CACNA1A: variants seen among roughly 807,000 people sequenced by gnomAD.
CACNA1A encodes the protein voltage-dependent P/Q-type calcium channel subunit alpha-1A.
A neutral mutation model predicts 262.4 loss-of-function variants in CACNA1A; 57 were observed. The observed-to-expected ratio is 0.22, with a 90% CI of 0.18 to 0.27. The LOEUF (loss-of-function observed/expected upper bound fraction) is 0.27. Ranked by LOEUF, CACNA1A falls within the 10% of genes least tolerant of loss-of-function variation. The pLI, the probability that CACNA1A is intolerant of heterozygous loss-of-function variation, is 1.00. For synonymous variants in CACNA1A, 1,431 were observed against 1,419.3 expected, an observed-to-expected ratio of 1.01 and a Z score of -0.18; for missense variants, 2,526 against 3,562.8, an observed-to-expected ratio of 0.71 and a Z score of 7.41.
intron 10 of CACNA1A, among the ~76,000 whole-genome samples, chr19:13,323,089 T>C (rs1050100737): frequency 1.3e-5 from 2 of 152,112 alleles, no homozygotes; most frequent in East Asian, 1.9e-4. Flanking sequence ...CTGACCAACA[T>C]AGTGAAACTA....
At chr19:13,210,943 C>G in intron 43 of CACNA1A, 1 of 512,352 alleles carries the variant, frequency 2.0e-6, no homozygotes, top group Non-Finnish European at 3.5e-6. Context: ...GACCGAAAGA[C>G]AGGACGGCGC....
chr19:13,369,518 A>G (rs1025003756), intron 4 of CACNA1A, among the ~76,000 whole-genome samples: 10 of 152,218 alleles, frequency 6.6e-5, no homozygotes, highest in African/African-American at 2.4e-4. Flanking sequence ...TCCACTTACT[A>G]GTGAATTCCA....
At chr19:13,293,575 T>C (rs1478867983) in intron 19 of CACNA1A, among the ~76,000 whole-genome samples, 3 of 148,356 alleles carry the variant, frequency 2.0e-5, no homozygotes, top group African/African-American at 7.4e-5. Context: ...GCCTCCCGAG[T>C]AGCTGGGACT....
chr19:13,277,603 G>T, intron 22 of CACNA1A: 1 of 157,994 alleles, frequency 6.3e-6, no homozygotes, highest in South Asian at 1.7e-4. Flanking sequence ...ATCTCTTCCT[G>T]CTTCAAGGCC....
rs1304724060 is a variant in CACNA1A at position 13,236,441 on chromosome 19, T to C, written c.4951-711A>G. 1 of 153,114 alleles carries C rather than the reference T, an allele frequency of 6.5e-6. No individual in the cohort carries two copies. Among genetic ancestry groups the C allele is most frequent in the Non-Finnish European group, 1.5e-5 (1 of 68,394 alleles). 9.5% of individuals were successfully genotyped at this position (153,114 alleles called of 1,614,324 possible). On this transcript the variant is annotated intron_variant, in intron 31 of 46. Transcript: ENST00000360228. The surrounding 1 kb of genome is among the most constrained non-coding windows in gnomAD (Gnocchi z 4.6). Reference sequence around the variant, plus strand: ...AATTGGGAGAAGCGGAAGAGCATCTTTTCTTACCCCCTTGGCGAGCGGGAA... The same window carrying C: ...AATTGGGAGAAGCGGAAGAGCATCTCTTCTTACCCCCTTGGCGAGCGGGAA...
At chr19:13,262,953 C>T (rs2056771857) in intron 24 of CACNA1A, 120 bp from the exon 25 acceptor site, 2 of 716,072 alleles carry the variant, frequency 2.8e-6, no homozygotes, top group South Asian at 1.5e-5. Context: ...CTGGGGTGAG[C>T]TTGGCACAGC....
At chr19:13,480,961 C>T (rs1979223895) in intron 1 of CACNA1A, among the ~76,000 whole-genome samples, 1 of 152,088 alleles carries the variant, frequency 6.6e-6, no homozygotes, top group Admixed American at 6.6e-5. Context: ...ACCGTGGACT[C>T]CGAATCTAGA....
chr19:13,386,571 C>T (rs1428396075), intron 3 of CACNA1A, among the ~76,000 whole-genome samples: 1 of 152,042 alleles, frequency 6.6e-6, no homozygotes, highest in Non-Finnish European at 1.5e-5. Flanking sequence ...GGTGCATCAC[C>T]TGAGGTCAGG....
At chr19:13,476,441 C>T (rs549162698) in intron 1 of CACNA1A, among the ~76,000 whole-genome samples, 2 of 152,156 alleles carry the variant, frequency 1.3e-5, no homozygotes, top group Non-Finnish European at 2.9e-5. Flanking sequence ...GATATGCCAC[C>T]TGAGTACTTT....
At chr19:13,248,617 C>T (rs192704919) in intron 30 of CACNA1A, among the ~76,000 whole-genome samples, 38 of 151,912 alleles carry the variant, frequency 2.5e-4, no homozygotes, top group African/African-American at 8.9e-4. Flanking sequence ...CCGAGGCAGG[C>T]GGATCACCTG....
At chr19:13,294,091 G>A (rs2057604965) in intron 19 of CACNA1A, among the ~76,000 whole-genome samples, 1 of 151,252 alleles carries the variant, frequency 6.6e-6, no homozygotes, top group South Asian at 2.1e-4. Context: ...AATAGCAAGA[G>A]TAATTAATAA....
chr19:13,212,250 G>A lies in CACNA1A; in HGVS notation c.6190-34C>T. On this transcript the variant is annotated intron_variant, in intron 42 of 46. Coordinates refer to ENST00000360228, the MANE Select transcript of CACNA1A (RefSeq NM_001127222.2). This position sits in a 1 kb window ranked among gnomAD's most constrained non-coding sequence, Gnocchi z 5.6. Reference sequence around the variant, plus strand: ...CAGATGGCAAAGCCAGATGAGCTCTGGGGCCTGACCTCCAGATCCCTGGTG... The same window carrying A: ...CAGATGGCAAAGCCAGATGAGCTCTAGGGCCTGACCTCCAGATCCCTGGTG... The A allele has an allele frequency of 1.2e-6, 2 of 1,600,550 alleles. No individual in the cohort carries two copies. Among genetic ancestry groups the A allele is most frequent in the Non-Finnish European group, 1.7e-6 (2 of 1,168,494 alleles).
chr19:13,273,211 C>T (rs1454594936), intron 24 of CACNA1A: 3 of 152,200 alleles, frequency 2.0e-5, no homozygotes, highest in Admixed American at 1.3e-4. Context: ...GGTGATCCCC[C>T]TCCCTTGGCC....
intron 36 of CACNA1A, among the ~76,000 whole-genome samples, chr19:13,228,297 C>A (rs988511054): frequency 2.7e-5 from 4 of 150,664 alleles, no homozygotes; most frequent in African/African-American, 9.8e-5. Flanking sequence ...GGGGCCAGTG[C>A]CAGGGAGGGG....
intron 3 of CACNA1A, among the ~76,000 whole-genome samples, chr19:13,377,986 C>CAACA (rs1181536291): frequency 6.6e-6 from 1 of 151,984 alleles, no homozygotes; most frequent in Non-Finnish European, 1.5e-5. Flanking sequence ...AAACAATCCA[C>CAACA]AACAAACAAA....
At chr19:13,340,424 ATTTT>A (rs34472942) in intron 6 of CACNA1A, among the ~76,000 whole-genome samples, 21 of 111,938 alleles carry the variant, frequency 1.9e-4, no homozygotes, top group African/African-American at 4.5e-4. Flanking sequence ...AGAGAGGTCT[ATTTT>A]TTTTTTTTTT....
intron 24 of CACNA1A, among the ~76,000 whole-genome samples, chr19:13,267,001 C>T (rs1212579928): frequency 6.6e-6 from 1 of 152,170 alleles, no homozygotes; most frequent in African/African-American, 2.4e-5. Flanking sequence ...TTTGGGATGC[C>T]TCCTTCGCAG....
chr19:13,218,154 G>T (rs776590637), intron 38 of CACNA1A, among the ~76,000 whole-genome samples: 4 of 151,784 alleles, frequency 2.6e-5, no homozygotes, highest in African/African-American at 9.7e-5. Context: ...GCAATGGTGC[G>T]ATCTTGGCTC....
At chr19:13,467,419 T>A (rs957795193) in intron 1 of CACNA1A, among the ~76,000 whole-genome samples, 3 of 152,024 alleles carry the variant, frequency 2.0e-5, no homozygotes, top group Admixed American at 6.6e-5. Flanking sequence ...AGGTCAAGGC[T>A]GCAGTGAGCT....
Sources: allele counts gnomAD v4.1 joint callset (sites outside exome capture counted in the v4.1 genomes callset), GRCh38; gene constraint gnomAD v4.1.1; non-coding constraint Gnocchi (gnomAD v3.1); transcripts MANE v1.5; gene names NCBI Gene and HGNC (gene_info 2026-07-23, HGNC 2026-07-21).